NUP107: variants seen among roughly 807,000 people sequenced by gnomAD.
The protein encoded by NUP107 is nuclear pore complex protein Nup107.
A neutral mutation model predicts 141.0 loss-of-function variants in NUP107; 101 were observed. That is an observed-to-expected ratio of 0.72 (90% CI 0.61 to 0.84). NUP107 has a LOEUF of 0.84. Ranked by LOEUF, NUP107 falls within the 40% of genes least tolerant of loss-of-function variation. The probability of loss-of-function intolerance (pLI) is 0.00; values close to 1 mark genes in which losing one functional copy is unlikely to be tolerated. For synonymous variants in NUP107, 319 were observed against 363.9 expected (o/e 0.88, Z 1.41); for missense variants, 941 against 1,102.7 (o/e 0.85, Z 2.08).
At chr12:68,692,355 C>T (rs1220915392) in intron 5 of NUP107, among the ~76,000 whole-genome samples, 1 of 151,832 alleles carries the variant, frequency 6.6e-6, no homozygotes, top group Non-Finnish European at 1.5e-5. Flanking sequence ...CCGAGGCGGG[C>T]AGATCACGAG....
chr12:68,730,405 G>T (rs1159353891), intron 20 of NUP107, among the ~76,000 whole-genome samples: 1 of 151,818 alleles, frequency 6.6e-6, no homozygotes, highest in Non-Finnish European at 1.5e-5. Context: ...TTTTAGTAGA[G>T]ACAGGGTTTT....
rs79501136 is a variant in NUP107, at chr12:68,733,559, C to G, written c.2209C>G (p.Pro737Ala). 6 of 1,612,902 alleles carry G rather than the reference C, an allele frequency of 3.7e-6. No homozygotes were observed. In the South Asian group the frequency reaches 6.6e-5, roughly 18 times the overall value. The stretch of plus-strand genomic sequence containing the variant: ...GGAACAAGGAATGGAAAGTCCACTT[C>G]CTGCTGAAGATGATAATGCTATCCG... The part of the protein sequence containing the change: ...CEEQGMESPL[P>A]AEDDNAIREH... The change falls in exon 24 of 28, where the codon CCT (proline) becomes GCT (alanine). Residue 737 changes from proline (P) to alanine (A), a missense_variant. Physicochemically the swap from Pro to Ala is conservative, Grantham distance 27. Transcript: ENST00000229179.
chr12:68,718,120 C>T (rs553898336), intron 12 of NUP107, among the ~76,000 whole-genome samples: 5 of 152,310 alleles, frequency 3.3e-5, no homozygotes, highest in African/African-American at 1.2e-4. Flanking sequence ...CTCAACCCTC[C>T]TCTCTGTGCC....
chr12:68,688,748 G>A (rs886920000), intron 1 of NUP107, among the ~76,000 whole-genome samples: 2 of 152,182 alleles, frequency 1.3e-5, no homozygotes, highest in Admixed American at 1.3e-4. Flanking sequence ...GAAAGTCAGA[G>A]AAGTCTTTGT....
chr12:68,744,850 C>T lies in NUP107; in HGVS notation c.*2388C>T, dbSNP rs1878462129. The stretch of plus-strand genomic sequence containing the variant: ...CACCTGAGTGGGAAATTTCAGGCAA[C>T]TTAATTTAGTTCCTCAGTGCCTACT... On this transcript the variant is annotated 3_prime_UTR_variant, in exon 28 of 28. Coordinates refer to ENST00000229179, the MANE Select transcript of NUP107 (RefSeq NM_020401.4). 1 of 152,210 alleles carries T rather than the reference C, an allele frequency of 6.6e-6. No homozygotes were observed. The highest frequency in any genetic ancestry group is 6.5e-5 in the Admixed American group (1 of 15,278). The allele number at this position is 152,210 out of a possible 1,614,324, so 9.4% of individuals were successfully genotyped here.
intron 26 of NUP107, among the ~76,000 whole-genome samples, chr12:68,737,560 C>CA (rs757208798): frequency 0.38 from 27,503 of 71,912 alleles, 5,824 homozygotes; most frequent in South Asian, 0.58. Context: ...GACCCTGTCT[C>CA]AAAAAAAAAA....
intron 1 of NUP107, among the ~76,000 whole-genome samples, chr12:68,688,032 GA>G (rs936942801): frequency 1.3e-5 from 2 of 151,836 alleles, no homozygotes; most frequent in African/African-American, 4.8e-5. Flanking sequence ...GCTAGGATAT[GA>G]AAAAAAAGTA....
At chr12:68,715,879 C>T (rs542260291) in intron 12 of NUP107, 139 bp downstream of exon 12, 10 of 529,718 alleles carry the variant, frequency 1.9e-5, no homozygotes, top group East Asian at 1.8e-4. Flanking sequence ...ACTTCCTGTT[C>T]GAACATTTCC....
chr12:68,719,501 A>G (rs376709015), intron 13 of NUP107, 70 bp downstream of exon 13: 1 of 1,553,106 alleles, frequency 6.4e-7, no homozygotes, highest in African/African-American at 1.4e-5. Flanking sequence ...ATCTTTGTGA[A>G]CTATAGCTTC....
rs1393721829 is a variant in NUP107, at chr12:68,689,631, T to A, written c.187+12T>A. On this transcript the variant is annotated intron_variant, in intron 3 of 27. Transcript: ENST00000229179. ...ATTTCGACAGCCTTGTAAGATTTTT[T>A]GCTTTTAAAGCATTTAATAATAACG... 2 of 1,583,854 alleles carry A rather than the reference T, an allele frequency of 1.3e-6. No homozygotes were observed. The highest frequency in any genetic ancestry group is 1.7e-6 in the Non-Finnish European group (2 of 1,157,632).
chr12:68,742,107 T>G lies in NUP107; in HGVS notation c.2670+127T>G, dbSNP rs1878343702. 9 of 789,544 alleles carry G rather than the reference T, an allele frequency of 1.1e-5. 2 individuals are homozygous for G. Among genetic ancestry groups the G allele is most frequent in the Middle Eastern group, 2.7e-4 (1 of 3,720 alleles). 48.9% of individuals were successfully genotyped at this position (789,544 alleles called of 1,614,324 possible). On this transcript the variant is annotated intron_variant, in intron 27 of 27. Transcript: ENST00000229179. ...ATTTTCTTAAAGTAATAGTCCAGTT[T>G]TAATGTTTTAATGTTTGTACTTTTT... is the stretch of plus-strand genomic sequence containing the variant.
intron 12 of NUP107, among the ~76,000 whole-genome samples, chr12:68,718,506 T>A (rs867632833): frequency 1.3e-5 from 2 of 152,234 alleles, no homozygotes; most frequent in East Asian, 1.9e-4. Flanking sequence ...ACTGTTTTTT[T>A]AATAGTTTTT....
At position 68,742,566 on chromosome 12, in the gene NUP107, A is replaced by C; in HGVS notation, c.*104A>C. The C allele has an allele frequency of 1.8e-6, 1 of 564,120 alleles. No homozygotes were observed. The highest frequency in any genetic ancestry group is 3.5e-5 in the Admixed American group (1 of 28,226). 34.9% of individuals were successfully genotyped at this position (564,120 alleles called of 1,614,324 possible). ...TTTTGCATTACCATGTAAAATTTAG[A>C]CATTTGAATTTTGTACTTTTCAGAA... is the stretch of plus-strand genomic sequence containing the variant. On this transcript the variant is annotated 3_prime_UTR_variant, in exon 28 of 28. Transcript: ENST00000229179.
intron 17 of NUP107, among the ~76,000 whole-genome samples, chr12:68,723,244 C>G (rs1216524407): frequency 1.3e-5 from 2 of 151,804 alleles, no homozygotes; most frequent in Non-Finnish European, 2.9e-5. Flanking sequence ...GGTGTACCCA[C>G]TTGTAGTCCC....
Position 68,730,670 on chromosome 12 carries a change from T to TA in NUP107, c.1735-436dup, listed in dbSNP as rs1877783253. 2.6e-5 allele frequency among the ~76,000 whole-genome samples: 4 copies of TA among 152,334 alleles called. No homozygotes were observed. The South Asian group carries it at 8.3e-4, about 32-fold the overall frequency. ...CCAACTGTACTCACTTTTTGGAATT[T>TA]AAAATTATTCTGGGCTGGACACAGG... On this transcript the variant is annotated intron_variant, in intron 20 of 27. Coordinates refer to ENST00000229179, the MANE Select transcript of NUP107 (RefSeq NM_020401.4).
chr12:68,710,951 C>T (rs527602798), intron 10 of NUP107, among the ~76,000 whole-genome samples: 6 of 152,002 alleles, frequency 3.9e-5, no homozygotes, highest in Admixed American at 6.6e-5. Flanking sequence ...GTATTCCGAG[C>T]TTTGGGGAAA....
At chr12:68,698,002 C>G (rs1230213269) in intron 6 of NUP107, among the ~76,000 whole-genome samples, 1 of 147,420 alleles carries the variant, frequency 6.8e-6, no homozygotes, top group South Asian at 2.1e-4. Context: ...CACTCCAGCC[C>G]GGGCGATAGA....
chr12:68,734,234 G>T (rs1877967120), intron 24 of NUP107, among the ~76,000 whole-genome samples: 1 of 152,164 alleles, frequency 6.6e-6, no homozygotes, highest in African/African-American at 2.4e-5. Flanking sequence ...CAGAGATCAT[G>T]CCTTGTCTTT....
intron 26 of NUP107, among the ~76,000 whole-genome samples, chr12:68,735,829 TATA>T (rs1878043501): frequency 6.6e-6 from 1 of 152,202 alleles, no homozygotes; most frequent in African/African-American, 2.4e-5. Context: ...AGTGCTTTAA[TATA>T]ATATATAGCC....
Sources: allele counts gnomAD v4.1 joint callset (sites outside exome capture counted in the v4.1 genomes callset), GRCh38; gene constraint gnomAD v4.1.1; transcripts MANE v1.5; gene names NCBI Gene and HGNC (gene_info 2026-07-23, HGNC 2026-07-21).